Variants in KIAA0825 observed in about 807,000 individuals in gnomAD.
KIAA0825 encodes the protein uncharacterized protein KIAA0825.
Under a neutral mutation model 147.6 loss-of-function variants are expected in KIAA0825, and 119 were observed. The ratio of observed to expected loss-of-function variants is 0.81; its 90% CI spans 0.69 to 0.94. KIAA0825 has a LOEUF of 0.94. Among genes scored for constraint, KIAA0825 ranks in the 40% least tolerant of loss-of-function variants. KIAA0825 has a pLI of 0.00. For synonymous variants in KIAA0825, 470 were observed against 518.1 expected, an observed-to-expected ratio of 0.91 and a Z score of 1.26; for missense variants, 1,381 against 1,472.7, an observed-to-expected ratio of 0.94 and a Z score of 1.02.
At chr5:94,378,082 A>G (rs1562435713) in intron 20 of KIAA0825, among the ~76,000 whole-genome samples, 2 of 152,220 alleles carry the variant, frequency 1.3e-5, no homozygotes, top group Non-Finnish European at 2.9e-5. Flanking sequence ...CATAAAAATA[A>G]TAACAGTGGG....
intron 8 of KIAA0825, 46 bp from the exon 9 acceptor site, chr5:94,471,777 C>T (rs780070597): frequency 6.5e-7 from 1 of 1,531,366 alleles, no homozygotes. Context: ...ATTCTGACAG[C>T]ACCAAGTAAT....
intron 20 of KIAA0825, among the ~76,000 whole-genome samples, chr5:94,366,406 C>T (rs79835702): frequency 0.016 from 2,435 of 152,122 alleles, 57 homozygotes; most frequent in East Asian, 0.048. Context: ...CTCTGGGTAG[C>T]CCCTCCTCTC....
At chr5:94,299,495 A>G (rs1258630808) in intron 20 of KIAA0825, among the ~76,000 whole-genome samples, 2 of 151,978 alleles carry the variant, frequency 1.3e-5, no homozygotes, top group Non-Finnish European at 2.9e-5. Flanking sequence ...GATTACAGGC[A>G]TGAGCCACCA....
At chr5:94,499,592 G>GA (rs1289514661) in intron 5 of KIAA0825, among the ~76,000 whole-genome samples, 1 of 148,194 alleles carries the variant, frequency 6.7e-6, no homozygotes, top group Non-Finnish European at 1.5e-5. Flanking sequence ...ATCTGGGGGG[G>GA]GGGGGGGACC....
In KIAA0825 at chr5:94,529,327, T is replaced by C. The variant is rs942248187; in HGVS notation, c.132-5229A>G. ...TATGTATATATCATATATATGTATATATCATATATATGTATATATCATATA... is the reference window on the plus strand; with the variant it reads ...TATGTATATATCATATATATGTATACATCATATATATGTATATATCATATA... On this transcript the variant is annotated intron_variant, in intron 3 of 20. Coordinates refer to ENST00000682413, the MANE Select transcript of KIAA0825 (RefSeq NM_001145678.3). Among the ~76,000 whole-genome samples, 20 of 145,232 alleles carry C rather than the reference T, an allele frequency of 1.4e-4. No individual in the cohort carries two copies. The East Asian group carries it at 3.3e-3, about 24-fold the overall frequency.
intron 20 of KIAA0825, among the ~76,000 whole-genome samples, chr5:94,273,540 C>T (rs1011191369): frequency 6.6e-6 from 1 of 152,108 alleles, no homozygotes; most frequent in Non-Finnish European, 1.5e-5. Context: ...ATTTTTCAGC[C>T]TCTGTCCCCA....
chr5:94,430,423 C>A (rs2150783653), intron 14 of KIAA0825, among the ~76,000 whole-genome samples: 3 of 152,226 alleles, frequency 2.0e-5, no homozygotes, highest in African/African-American at 7.2e-5. Context: ...CACAAAGTCT[C>A]TTGTTTTTAT....
At chr5:94,336,644 C>G (rs190603615) in intron 20 of KIAA0825, among the ~76,000 whole-genome samples, 3 of 152,222 alleles carry the variant, frequency 2.0e-5, no homozygotes, top group Admixed American at 2.0e-4. Context: ...GCCACATTTT[C>G]TTTATCTAGT....
intron 2 of KIAA0825, among the ~76,000 whole-genome samples, chr5:94,579,813 A>G (rs1781748576): frequency 6.6e-6 from 1 of 152,326 alleles, no homozygotes; most frequent in East Asian, 1.9e-4. Flanking sequence ...CAGTACTAGT[A>G]TTAATAGCAA....
At chr5:94,594,331 T>G in intron 1 of KIAA0825, 1 of 682,328 alleles carries the variant, frequency 1.5e-6, no homozygotes, top group East Asian at 3.3e-5. Context: ...AATAAAGGTA[T>G]TGCTGGCATG....
intron 20 of KIAA0825, among the ~76,000 whole-genome samples, chr5:94,330,757 G>C (rs915323560): frequency 9.2e-5 from 14 of 151,824 alleles, no homozygotes; most frequent in South Asian, 2.1e-4. Context: ...TCTTTAAAAG[G>C]GTTGCTTAAA....
chr5:94,557,548 G>A (rs1441070218), intron 2 of KIAA0825, among the ~76,000 whole-genome samples: 2 of 152,002 alleles, frequency 1.3e-5, no homozygotes, highest in Non-Finnish European at 2.9e-5. Context: ...GATTTCCTAA[G>A]TTGACTAAGA....
chr5:94,574,544 A>C (rs1780614524), intron 2 of KIAA0825, among the ~76,000 whole-genome samples: 1 of 4,398 alleles, frequency 2.3e-4, no homozygotes, highest in Admixed American at 3.0e-3. Context: ...ACTCCATCTC[A>C]AAAAAAAAAA....
intron 14 of KIAA0825, among the ~76,000 whole-genome samples, chr5:94,438,494 C>T (rs971830678): frequency 1.3e-5 from 2 of 152,126 alleles, no homozygotes; most frequent in African/African-American, 4.8e-5. Context: ...CCAAACAGTA[C>T]TGCTTGGGAG....
At chr5:94,445,368 T>A (rs1000594055) in intron 13 of KIAA0825, among the ~76,000 whole-genome samples, 2 of 152,176 alleles carry the variant, frequency 1.3e-5, no homozygotes, top group Non-Finnish European at 2.9e-5. Flanking sequence ...TGAATGCCAC[T>A]GAGGCACTTC....
intron 5 of KIAA0825, among the ~76,000 whole-genome samples, chr5:94,504,401 T>A (rs1381050549): frequency 6.6e-6 from 1 of 152,200 alleles, no homozygotes; most frequent in Non-Finnish European, 1.5e-5. Flanking sequence ...TGCCCAGTTT[T>A]ATCAAAGTGA....
intron 1 of KIAA0825, among the ~76,000 whole-genome samples, chr5:94,602,979 C>T (rs1354573483): frequency 2.6e-5 from 4 of 151,992 alleles, no homozygotes; most frequent in Admixed American, 6.6e-5. Context: ...CAGGTGCCTG[C>T]CATTGCGTCA....
chr5:94,352,142 T>C (rs762874357), intron 20 of KIAA0825, among the ~76,000 whole-genome samples: 2 of 151,888 alleles, frequency 1.3e-5, no homozygotes, highest in Non-Finnish European at 2.9e-5. Flanking sequence ...ACCCACAGAG[T>C]GGGAGGAAAT....
At chr5:94,550,097 C>G (rs1437514711) in intron 2 of KIAA0825, among the ~76,000 whole-genome samples, 1 of 152,076 alleles carries the variant, frequency 6.6e-6, no homozygotes, top group Admixed American at 6.6e-5. Context: ...TCATTTGCAA[C>G]AACATGGATG....
Sources: allele counts gnomAD v4.1 joint callset (sites outside exome capture counted in the v4.1 genomes callset), GRCh38; gene constraint gnomAD v4.1.1; transcripts MANE v1.5; gene names NCBI Gene and HGNC (gene_info 2026-07-23, HGNC 2026-07-21).